Variants in TLDC2 observed in about 807,000 individuals in gnomAD.
The protein encoded by TLDC2 is TBC/LysM-associated domain containing 2.
Under a neutral mutation model 27.9 loss-of-function variants are expected in TLDC2, and 23 were observed. That is an observed-to-expected ratio of 0.82 (90% confidence interval 0.59 to 1.17). TLDC2 has a LOEUF of 1.17. Among genes scored for constraint, TLDC2 ranks in the 50% most tolerant of loss-of-function variants. The pLI is 0.00. For missense variants in TLDC2, 286 were observed against 273.4 expected, an observed-to-expected ratio of 1.05 and a Z score of -0.32; for synonymous variants, 124 against 107.4, an observed-to-expected ratio of 1.16 and a Z score of -0.96.
At position 36,893,574 on chromosome 20, in the gene TLDC2, C is replaced by T; in HGVS notation, c.*730C>T. The T allele has an allele frequency of 3.4e-6, 1 of 292,948 alleles. No individual in the cohort carries two copies. The highest frequency in any genetic ancestry group is 6.1e-5 in the East Asian group (1 of 16,526). 18.1% of individuals were successfully genotyped at this position (292,948 alleles called of 1,614,324 possible). The stretch of plus-strand genomic sequence containing the variant: ...GCATAGGCTCCAGCCAAAGAAGCTC[C>T]TCCACCCAAAATAAGGGAGAGATCC... On this transcript the variant is annotated 3_prime_UTR_variant, in exon 7 of 7. Coordinates refer to ENST00000217320, the MANE Select transcript of TLDC2 (RefSeq NM_080628.3).
intron 4 of TLDC2, among the ~76,000 whole-genome samples, chr20:36,885,949 G>A (rs1989911913): frequency 6.6e-6 from 1 of 152,026 alleles, no homozygotes; most frequent in South Asian, 2.1e-4. Context: ...GATGAGAGGT[G>A]GGCCCTCTGA....
intron 6 of TLDC2, chr20:36,890,396 C>CTTTCTTTCTTTCTTTCTT (rs1555830173): frequency 6.3e-5 from 9 of 142,550 alleles, no homozygotes; most frequent in African/African-American, 1.5e-4. Flanking sequence ...ATATTTCTTT[C>CTTTCTTTCTTTCTTTCTT]TCTTTCTTTC....
At chr20:36,887,056 T>C (rs1989935687) in intron 4 of TLDC2, among the ~76,000 whole-genome samples, 1 of 151,938 alleles carries the variant, frequency 6.6e-6, no homozygotes, top group South Asian at 2.1e-4. Flanking sequence ...GCGAGGCTTG[T>C]TGATGAGCTG....
chr20:36,887,842 G>A (rs1225678974), intron 5 of TLDC2, among the ~76,000 whole-genome samples: 4 of 151,876 alleles, frequency 2.6e-5, no homozygotes, highest in African/African-American at 9.7e-5. Context: ...AGTGTGCCTC[G>A]TTTTTCCACC....
At chr20:36,885,170 C>T (rs1053367042) in intron 4 of TLDC2, among the ~76,000 whole-genome samples, 1 of 152,168 alleles carries the variant, frequency 6.6e-6, no homozygotes, top group Admixed American at 6.6e-5. Flanking sequence ...AGCCACCGTG[C>T]CCGGCCAGAG....
chr20:36,886,729 G>T (rs763075677), intron 4 of TLDC2, among the ~76,000 whole-genome samples: 12 of 152,092 alleles, frequency 7.9e-5, no homozygotes, highest in Non-Finnish European at 1.5e-4. Flanking sequence ...GAGTAGCTGG[G>T]ATTACAAGTG....
At chr20:36,889,184 G>A in intron 5 of TLDC2, 67 bp from the exon 6 acceptor site, 1 of 1,579,602 alleles carries the variant, frequency 6.3e-7, no homozygotes, top group East Asian at 2.3e-5. Flanking sequence ...AGCTGATGCT[G>A]GTGGCAGAGC....
intron 3 of TLDC2, among the ~76,000 whole-genome samples, chr20:36,880,082 T>TATATATGTATATATATAC (rs1989775538): frequency 2.2e-5 from 1 of 44,798 alleles, no homozygotes; most frequent in Non-Finnish European, 6.5e-5. Context: ...TATATATATA[T>TATATATGTATATATATAC]ATATATATAT....
At position 36,892,927 on chromosome 20, in the gene TLDC2, G is replaced by A; in HGVS notation, c.*83G>A. ...GGGAGTTTGTAAACAACTGACTACAGACATTCACATTGGGTCATCTTTAAA... is the reference window on the plus strand; with the variant it reads ...GGGAGTTTGTAAACAACTGACTACAAACATTCACATTGGGTCATCTTTAAA... On this transcript the variant is annotated 3_prime_UTR_variant, in exon 7 of 7. Coordinates refer to ENST00000217320, the MANE Select transcript of TLDC2 (RefSeq NM_080628.3). 1 of 1,614,020 alleles carries A rather than the reference G, an allele frequency of 6.2e-7. No individual in the cohort carries two copies. Among genetic ancestry groups the A allele is most frequent in the Non-Finnish European group, 8.5e-7 (1 of 1,180,012 alleles).
chr20:36,892,509 A>G (rs1274491443), intron 6 of TLDC2: 2 of 214,838 alleles, frequency 9.3e-6, no homozygotes, highest in Non-Finnish European at 1.9e-5. Flanking sequence ...GTTCAGAGTA[A>G]GCTGGGTGTG....
chr20:36,891,293 G>A (rs1000063381), intron 6 of TLDC2: 1 of 152,276 alleles, frequency 6.6e-6, no homozygotes, highest in Non-Finnish European at 1.5e-5. Context: ...CAGTGTGGAC[G>A]GAACAGAATC....
Position 36,879,164 on chromosome 20 carries a change from C to T in TLDC2, c.313C>T (p.Leu105=). 6.2e-7 allele frequency: 1 copy of T among 1,613,850 alleles called. No individual in the cohort carries two copies. The highest frequency in any genetic ancestry group is 8.5e-7 in the Non-Finnish European group (1 of 1,179,982). The change falls in exon 3 of 7, where the codon CTG becomes TTG. Residue 105 remains leucine, a synonymous_variant. Coordinates refer to ENST00000217320, the MANE Select transcript of TLDC2 (RefSeq NM_080628.3). ...RRMEGCSGPV[L]LVLRDQDGQI... ...GATGGAGGGCTGCAGCGGGCCAGTG[C>T]TGCTGGTGCTCAGGGACCAGGACGG...
At chr20:36,884,000 A>G (rs6029901) in intron 4 of TLDC2, among the ~76,000 whole-genome samples, 216 of 152,342 alleles carry the variant, frequency 1.4e-3, no homozygotes, top group African/African-American at 4.8e-3. Flanking sequence ...AGGCTGAGGC[A>G]TGAGAATCTC....
chr20:36,880,102 C>CATATATATATATATATATATATATATATA (rs1568748597), intron 3 of TLDC2, among the ~76,000 whole-genome samples: 1 of 95,976 alleles, frequency 1.0e-5, no homozygotes, highest in Admixed American at 1.3e-4. Context: ...TATATATATA[C>CATATATATATATATATATATATATATATA]TTTTTTTTTG....
At chr20:36,876,674 CACACACTCAA>C (rs1453150715) in intron 1 of TLDC2, among the ~76,000 whole-genome samples, 2 of 150,326 alleles carry the variant, frequency 1.3e-5, no homozygotes, top group Non-Finnish European at 3.0e-5. Context: ...CACACACACT[CACACACTCAA>C]ACACACTCAA....
intron 4 of TLDC2, among the ~76,000 whole-genome samples, chr20:36,883,911 C>T (rs1025485972): frequency 7.2e-5 from 11 of 152,026 alleles, no homozygotes; most frequent in African/African-American, 2.7e-4. Context: ...CTGGCCAACA[C>T]GGTGAAACCC....
chr20:36,881,243 G>C (rs1989808133), intron 4 of TLDC2, among the ~76,000 whole-genome samples: 2 of 152,116 alleles, frequency 1.3e-5, no homozygotes, highest in Non-Finnish European at 2.9e-5. Context: ...AGCCAGACAT[G>C]GTAGAGTACA....
In TLDC2 at chr20:36,876,214, G is replaced by T; in HGVS notation, c.33+7G>T. The T allele has an allele frequency of 1.2e-6, 2 of 1,614,184 alleles. No individual in the cohort carries two copies. Among genetic ancestry groups the T allele is most frequent in the Non-Finnish European group, 1.7e-6 (2 of 1,180,016 alleles). On this transcript the variant is annotated splice_region_variant and intron_variant, in intron 1 of 6. Transcript: ENST00000217320. ...CTGGCGTTACACTCGGCTGGTAAGG[G>T]TTCCAACTCCGTCTGTGGTGCAGGT... is the stretch of plus-strand genomic sequence containing the variant.
At chr20:36,876,327 C>A in intron 1 of TLDC2, 120 bp downstream of exon 1, 1 of 1,336,026 alleles carries the variant, frequency 7.5e-7, no homozygotes, top group Non-Finnish European at 1.1e-6. Flanking sequence ...CTCTCAAGTC[C>A]CTCCCTGGCA....
Sources: allele counts gnomAD v4.1 joint callset (sites outside exome capture counted in the v4.1 genomes callset), GRCh38; gene constraint gnomAD v4.1.1; transcripts MANE v1.5; gene names NCBI Gene and HGNC (gene_info 2026-07-23, HGNC 2026-07-21).